CCNY: variants seen among roughly 807,000 people sequenced by gnomAD.
The protein encoded by CCNY is cyclin Y.
CCNY carries 19 observed loss-of-function variants against 42.8 expected under a neutral mutation model. That is an observed-to-expected ratio of 0.44 (90% CI 0.31 to 0.65). The LOEUF (loss-of-function observed/expected upper bound fraction) is 0.65, where lower values mean the gene tolerates loss of function less well. Ranked by LOEUF, CCNY falls within the 30% of genes least tolerant of loss-of-function variation. CCNY has a pLI of 0.07. For synonymous variants in CCNY, 165 were observed against 162.7 expected (o/e 1.01, Z -0.11); for missense variants, 370 against 437.3 (o/e 0.85, Z 1.37).
intron 3 of CCNY, among the ~76,000 whole-genome samples, chr10:35,309,577 T>A (rs1408801805): frequency 6.6e-6 from 1 of 151,994 alleles, no homozygotes; most frequent in Non-Finnish European, 1.5e-5. Flanking sequence ...CACACCACCA[T>A]ACCCAGCTAA....
chr10:35,527,728 A>G (rs1247111342), intron 5 of CCNY, among the ~76,000 whole-genome samples: 1 of 152,224 alleles, frequency 6.6e-6, no homozygotes. Flanking sequence ...AAAATTGAGC[A>G]TTTGTAAACA....
intron 3 of CCNY, among the ~76,000 whole-genome samples, chr10:35,278,404 T>C (rs1444651423): frequency 6.6e-6 from 1 of 151,366 alleles, no homozygotes; most frequent in Non-Finnish European, 1.5e-5. Flanking sequence ...CCCAGATCTG[T>C]CCATACTCCG....
intron 1 of CCNY, among the ~76,000 whole-genome samples, chr10:35,456,577 T>C (rs1351972274): frequency 6.6e-6 from 1 of 152,184 alleles, no homozygotes; most frequent in Non-Finnish European, 1.5e-5. Context: ...TCGACAGACT[T>C]GATTAAATTC....
chr10:35,347,119 A>G (rs1222710192), intron 1 of CCNY, among the ~76,000 whole-genome samples: 2 of 152,216 alleles, frequency 1.3e-5, no homozygotes, highest in African/African-American at 4.8e-5. Context: ...CACTGCAGAC[A>G]CATTATCCCT....
intron 5 of CCNY, among the ~76,000 whole-genome samples, chr10:35,527,205 C>T (rs1840670192): frequency 6.6e-6 from 1 of 152,206 alleles, no homozygotes; most frequent in Non-Finnish European, 1.5e-5. Context: ...AACTTTGGAA[C>T]TCTAAATCTT....
At chr10:35,364,988 C>CTA (rs1486888901) in intron 1 of CCNY, among the ~76,000 whole-genome samples, 1 of 152,178 alleles carries the variant, frequency 6.6e-6, no homozygotes, top group East Asian at 1.9e-4. Flanking sequence ...GCATGTTTAA[C>CTA]TATCAGTAGG....
chr10:35,532,830 G>A (rs537328347), intron 7 of CCNY, among the ~76,000 whole-genome samples: 8 of 152,306 alleles, frequency 5.3e-5, no homozygotes, highest in South Asian at 2.1e-4. Context: ...AGTCCTATGC[G>A]GTACTTCGAC....
intron 1 of CCNY, among the ~76,000 whole-genome samples, chr10:35,356,911 G>A (rs1271223085): frequency 1.3e-5 from 2 of 152,110 alleles, no homozygotes; most frequent in Admixed American, 6.5e-5. Context: ...ACTCCTCCCC[G>A]TGGCTCAGAG....
chr10:35,381,282 G>T (rs565609949), intron 1 of CCNY, among the ~76,000 whole-genome samples: 2 of 152,120 alleles, frequency 1.3e-5, no homozygotes, highest in Admixed American at 6.5e-5. Context: ...ACTGTAGGCC[G>T]AGCGCCATGG....
At chr10:35,544,059 A>T (rs748102048) in intron 7 of CCNY, among the ~76,000 whole-genome samples, 5 of 152,266 alleles carry the variant, frequency 3.3e-5, no homozygotes, top group Non-Finnish European at 7.3e-5. Flanking sequence ...AAAAATTTTT[A>T]AAGTTTATAA....
intron 3 of CCNY, among the ~76,000 whole-genome samples, chr10:35,272,342 T>A (rs1258137947): frequency 6.6e-6 from 1 of 151,844 alleles, no homozygotes; most frequent in Non-Finnish European, 1.5e-5. Context: ...GTTTGTTACA[T>A]AGATAAACCT....
intron 1 of CCNY, among the ~76,000 whole-genome samples, chr10:35,366,797 A>G (rs1312171912): frequency 6.6e-6 from 1 of 152,234 alleles, no homozygotes; most frequent in East Asian, 1.9e-4. Context: ...GCAGTCAAAC[A>G]TTTGAAACGT....
At chr10:35,397,059 A>AC (rs567795064) in intron 1 of CCNY, among the ~76,000 whole-genome samples, 1,599 of 152,204 alleles carry the variant, frequency 0.011, 9 homozygotes, top group Non-Finnish European at 0.017. Flanking sequence ...TGCCCCTTGG[A>AC]CCCCACACTT....
At chr10:35,512,610 C>T (rs940128322) in intron 3 of CCNY, among the ~76,000 whole-genome samples, 3 of 152,006 alleles carry the variant, frequency 2.0e-5, no homozygotes, top group South Asian at 2.1e-4. Context: ...GGAGGTTGAG[C>T]GAATTCAGAA....
At chr10:35,373,499 T>A (rs775733833) in intron 1 of CCNY, among the ~76,000 whole-genome samples, 2 of 152,122 alleles carry the variant, frequency 1.3e-5, no homozygotes, top group Non-Finnish European at 2.9e-5. Context: ...TGGGTCTATA[T>A]ATATAGTAAA....
intron 1 of CCNY, among the ~76,000 whole-genome samples, chr10:35,421,400 C>T (rs1280839663): frequency 6.6e-6 from 1 of 152,188 alleles, no homozygotes; most frequent in Non-Finnish European, 1.5e-5. Context: ...TGATGGTCAG[C>T]TTGACGCGGG....
intron 4 of CCNY, among the ~76,000 whole-genome samples, chr10:35,519,410 G>A (rs1840498234): frequency 6.6e-6 from 1 of 152,196 alleles, no homozygotes; most frequent in Non-Finnish European, 1.5e-5. Flanking sequence ...GAATCTGGCT[G>A]AGGCATTCTC....
In CCNY at chr10:35,442,852, T is replaced by C. The variant is rs147881510; in HGVS notation, c.155-40552T>C. On this transcript the variant is annotated intron_variant, in intron 1 of 9. Transcript: ENST00000374704. The stretch of plus-strand genomic sequence containing the variant: ...ATGTCTCATTAAGTGATTTCGTCAT[T>C]GTGTGAACATGAGAGAGTGTACTTA... 2.2e-4 allele frequency among the ~76,000 whole-genome samples: 33 copies of C among 152,312 alleles called. 1 individual carries two copies. Among genetic ancestry groups the C allele is most frequent in the African/African-American group, 7.5e-4 (31 of 41,568 alleles).
intron 1 of CCNY, among the ~76,000 whole-genome samples, chr10:35,424,025 G>C (rs1838214317): frequency 6.6e-6 from 1 of 152,108 alleles, no homozygotes; most frequent in Admixed American, 6.5e-5. Context: ...TGAGAGCCTG[G>C]CTCTGTGGCC....
Sources: allele counts gnomAD v4.1 joint callset (sites outside exome capture counted in the v4.1 genomes callset), GRCh38; gene constraint gnomAD v4.1.1; transcripts MANE v1.5; gene names NCBI Gene and HGNC (gene_info 2026-07-23, HGNC 2026-07-21).